Variants in PID1 observed in about 807,000 individuals in gnomAD.
PID1 encodes phosphotyrosine interaction domain containing 1.
A neutral mutation model predicts 19.1 loss-of-function variants in PID1; 10 were observed. That is an observed-to-expected ratio of 0.52 (90% confidence interval 0.32 to 0.89). The LOEUF is 0.89. Ranked by LOEUF, PID1 falls within the 40% of genes least tolerant of loss-of-function variation. The pLI is 0.03. For missense variants in PID1, 248 were observed against 285.3 expected (o/e 0.87, Z 0.94); for synonymous variants, 130 against 116.0 (o/e 1.12, Z -0.78).
intron 1 of PID1, among the ~76,000 whole-genome samples, chr2:229,171,141 C>A (rs1460495911): frequency 6.6e-6 from 1 of 152,256 alleles, no homozygotes; most frequent in Non-Finnish European, 1.5e-5. Context: ...TAAACACACA[C>A]ATATTTATGT....
chr2:229,069,141 TTTTGTGTGTGTG>T (rs1223858622), intron 2 of PID1, among the ~76,000 whole-genome samples: 5 of 128,710 alleles, frequency 3.9e-5, no homozygotes, highest in African/African-American at 5.8e-5. Context: ...CGAGAAGGGT[TTTTGTGTGTGTG>T]TGTGTGTGTG....
chr2:229,199,251 A>ACGTTGCTTT (rs1691439936), intron 1 of PID1, among the ~76,000 whole-genome samples: 1 of 152,060 alleles, frequency 6.6e-6, no homozygotes, highest in African/African-American at 2.4e-5. Context: ...AGCAAGTATC[A>ACGTTGCTTT]CGTTGCTTTC....
intron 1 of PID1, among the ~76,000 whole-genome samples, chr2:229,213,339 C>G (rs1433582393): frequency 1.3e-5 from 2 of 152,190 alleles, no homozygotes; most frequent in Admixed American, 1.3e-4. Flanking sequence ...TCAACCGCAC[C>G]AGGCTCTCCA....
At chr2:229,176,180 A>T (rs1690819587) in intron 1 of PID1, among the ~76,000 whole-genome samples, 1 of 152,206 alleles carries the variant, frequency 6.6e-6, no homozygotes, top group Non-Finnish European at 1.5e-5. Flanking sequence ...AAACAAAACA[A>T]AACAAAAAAA....
intron 2 of PID1, among the ~76,000 whole-genome samples, chr2:229,126,693 T>C (rs1222012757): frequency 6.6e-6 from 1 of 152,222 alleles, no homozygotes; most frequent in Non-Finnish European, 1.5e-5. Flanking sequence ...CAGAGCATCA[T>C]CAATTTTGTA....
intron 2 of PID1, among the ~76,000 whole-genome samples, chr2:229,124,029 T>G (rs1695575285): frequency 6.6e-6 from 1 of 152,186 alleles, no homozygotes; most frequent in Non-Finnish European, 1.5e-5. Context: ...CAGAGCACTG[T>G]TAGGTTCTGC....
At chr2:229,028,818 G>A (rs546853865) in intron 2 of PID1, among the ~76,000 whole-genome samples, 64 of 152,162 alleles carry the variant, frequency 4.2e-4, no homozygotes, top group Non-Finnish European at 7.9e-4. Flanking sequence ...GCTAATGAGC[G>A]TATTATGAGC....
At chr2:229,094,050 G>C (rs1272524691) in intron 2 of PID1, among the ~76,000 whole-genome samples, 1 of 152,072 alleles carries the variant, frequency 6.6e-6, no homozygotes, top group Admixed American at 6.6e-5. Flanking sequence ...AAGCCCTAAT[G>C]ACTCCTCTCC....
intron 1 of PID1, among the ~76,000 whole-genome samples, chr2:229,250,869 G>A (rs1690132267): frequency 6.6e-6 from 1 of 152,130 alleles, no homozygotes; most frequent in Non-Finnish European, 1.5e-5. Context: ...GCATTTAACT[G>A]ATTGAAACCT....
At chr2:229,124,926 T>C (rs1695592196) in intron 2 of PID1, among the ~76,000 whole-genome samples, 1 of 152,202 alleles carries the variant, frequency 6.6e-6, no homozygotes, top group African/African-American at 2.4e-5. Flanking sequence ...CCGAATTAGA[T>C]GTCTTTATTT....
At chr2:229,189,573 T>C (rs1691212570) in intron 1 of PID1, among the ~76,000 whole-genome samples, 1 of 152,154 alleles carries the variant, frequency 6.6e-6, no homozygotes, top group African/African-American at 2.4e-5. Context: ...AGCAGACGCC[T>C]GTAATCCCAG....
chr2:229,226,265 A>G (rs1342829427), intron 1 of PID1, among the ~76,000 whole-genome samples: 1 of 152,200 alleles, frequency 6.6e-6, no homozygotes, highest in Non-Finnish European at 1.5e-5. Context: ...TCTGTGGCCC[A>G]GTCCAAAAGT....
chr2:229,067,559 C>T (rs1694354950), intron 2 of PID1, among the ~76,000 whole-genome samples: 1 of 152,094 alleles, frequency 6.6e-6, no homozygotes, highest in South Asian at 2.1e-4. Flanking sequence ...AATGCCCATC[C>T]CCTGGAGGAT....
intron 1 of PID1, among the ~76,000 whole-genome samples, chr2:229,225,833 G>T (rs113053950): frequency 2.6e-5 from 4 of 152,122 alleles, no homozygotes; most frequent in African/African-American, 9.7e-5. Flanking sequence ...ATCAGATCTC[G>T]TGAGAACTAA....
chr2:229,252,086 A>T (rs1395451596), intron 1 of PID1, among the ~76,000 whole-genome samples: 1 of 152,088 alleles, frequency 6.6e-6, no homozygotes, highest in Non-Finnish European at 1.5e-5. Flanking sequence ...GCTTACAGCC[A>T]CTGAAAAAGG....
At chr2:229,141,172 G>A (rs1046000982) in intron 2 of PID1, among the ~76,000 whole-genome samples, 1 of 152,036 alleles carries the variant, frequency 6.6e-6, no homozygotes, top group Non-Finnish European at 1.5e-5. Flanking sequence ...AAGACACCAC[G>A]TTTTTGCAAC....
chr2:229,268,343 C>A (rs1005029897), intron 1 of PID1, among the ~76,000 whole-genome samples: 12 of 152,202 alleles, frequency 7.9e-5, no homozygotes, highest in African/African-American at 2.7e-4. Flanking sequence ...TTGCTACACT[C>A]AAAAGTCCAT....
At chr2:229,057,297 C>T (rs1238430182) in intron 2 of PID1, among the ~76,000 whole-genome samples, 1 of 151,784 alleles carries the variant, frequency 6.6e-6, no homozygotes, top group East Asian at 1.9e-4. Context: ...ATTAGCTGGG[C>T]ACGATCGTGG....
At chr2:229,122,976 T>C (rs1459387648) in intron 2 of PID1, among the ~76,000 whole-genome samples, 1 of 152,202 alleles carries the variant, frequency 6.6e-6, no homozygotes, top group Non-Finnish European at 1.5e-5. Context: ...GAGTGAAATC[T>C]ACCTTACTGT....
Sources: allele counts gnomAD v4.1 joint callset (sites outside exome capture counted in the v4.1 genomes callset), GRCh38; gene constraint gnomAD v4.1.1; transcripts MANE v1.5; gene names NCBI Gene and HGNC (gene_info 2026-07-23, HGNC 2026-07-21).